The following FMR1NB variants were observed in gnomAD, a reference collection of about 807,000 sequenced individuals.
The protein encoded by FMR1NB is FMR1 neighbor protein.
A neutral mutation model predicts 16.8 loss-of-function variants in FMR1NB; 10 were observed. The ratio of observed to expected loss-of-function variants is 0.60; its 90% CI spans 0.37 to 1.01. The LOEUF (loss-of-function observed/expected upper bound fraction) is 1.01. Ranked by LOEUF, FMR1NB falls within the 50% of genes least tolerant of loss-of-function variation. The pLI is 0.01. For synonymous variants in FMR1NB, 83 were observed against 79.1 expected (o/e 1.05, Z -0.26); for missense variants, 205 against 204.8 (o/e 1.00, Z 0.00).
intron 1 of FMR1NB, among the ~76,000 whole-genome samples, chrX:147,982,615 C>T (rs1422140307): frequency 9.8e-5 from 9 of 91,393 alleles, no homozygotes; most frequent in South Asian, 5.1e-4. Context: ...AAAAAAAGGC[C>T]GGGCGCGGTG....
chrX:148,001,212 G>A, intron 1 of FMR1NB, among the ~76,000 whole-genome samples: 1 of 111,934 alleles, frequency 8.9e-6, no homozygotes, highest in South Asian at 3.7e-4. Flanking sequence ...AGACTTGAAT[G>A]AACAGAGAAA....
At chrX:148,025,682 A>G (rs1005858315) in intron 5 of FMR1NB, among the ~76,000 whole-genome samples, 2 of 112,164 alleles carry the variant, frequency 1.8e-5, no homozygotes, top group African/African-American at 6.5e-5. Flanking sequence ...GTCATTAACT[A>G]GTAGTGTTTC....
chrX:147,998,570 T>C (rs2044554754), intron 1 of FMR1NB, among the ~76,000 whole-genome samples: 1 of 112,355 alleles, frequency 8.9e-6, no homozygotes, highest in Admixed American at 9.4e-5. Context: ...AACCTGCACA[T>C]TCTGCACATG....
intron 1 of FMR1NB, among the ~76,000 whole-genome samples, chrX:147,983,616 A>G (rs955150477): frequency 8.9e-6 from 1 of 112,174 alleles, no homozygotes; most frequent in Non-Finnish European, 1.9e-5. Context: ...AATTCTTTAT[A>G]TATTCTGGAT....
chrX:148,023,902 A>T (rs1309112487), intron 4 of FMR1NB, among the ~76,000 whole-genome samples: 1 of 111,194 alleles, frequency 9.0e-6, no homozygotes, highest in African/African-American at 3.3e-5. Context: ...GTAGGTCTGG[A>T]TTTGAATCCT....
chrX:147,986,088 C>T (rs1366410537), intron 1 of FMR1NB, among the ~76,000 whole-genome samples: 1 of 112,310 alleles, frequency 8.9e-6, no homozygotes, highest in African/African-American at 3.2e-5. Flanking sequence ...AGCTTCTTTT[C>T]ATATGTTTGG....
intron 3 of FMR1NB, among the ~76,000 whole-genome samples, chrX:148,007,463 GT>G (rs781886395): frequency 1.8e-5 from 2 of 111,178 alleles, no homozygotes; most frequent in African/African-American, 6.5e-5. Context: ...CTAATTTTTA[GT>G]TTTTTTGTAG....
chrX:148,004,552 C>T lies in FMR1NB; in HGVS notation c.397+1232C>T, dbSNP rs1186585157. 2.7e-5 allele frequency among the ~76,000 whole-genome samples: 3 copies of T among 112,339 alleles called. No homozygotes were observed. The Admixed American group carries it at 2.8e-4, about 11-fold the overall frequency. On this transcript the variant is annotated intron_variant, in intron 2 of 5. Transcript: ENST00000370467. ...AGTGATTAAATATTTATCAAATGTA[C>T]ATACTGTCTTTGAAGACAATAACTA... is the stretch of plus-strand genomic sequence containing the variant.
chrX:148,010,709 T>A (rs1009149556), intron 4 of FMR1NB, among the ~76,000 whole-genome samples: 6 of 111,320 alleles, frequency 5.4e-5, no homozygotes, highest in Admixed American at 9.5e-5. Flanking sequence ...AAATCAGAGG[T>A]ACCAAAAGCT....
chrX:147,998,354 A>G (rs997196320), intron 1 of FMR1NB, among the ~76,000 whole-genome samples: 4 of 110,281 alleles, frequency 3.6e-5, no homozygotes, highest in Non-Finnish European at 7.5e-5. Flanking sequence ...TAACACAGGG[A>G]CAGAAAACTA....
intron 1 of FMR1NB, among the ~76,000 whole-genome samples, chrX:147,985,467 T>C (rs781837008): frequency 3.8e-4 from 42 of 110,927 alleles, no homozygotes; most frequent in Admixed American, 3.5e-3. Flanking sequence ...CTCCCTCCCC[T>C]TTCCCCCAAC....
chrX:147,995,085 A>T (rs2044535401), intron 1 of FMR1NB, among the ~76,000 whole-genome samples: 1 of 111,906 alleles, frequency 8.9e-6, no homozygotes, highest in African/African-American at 3.3e-5. Context: ...CCCATACAGG[A>T]AAGACTATTT....
intron 2 of FMR1NB, among the ~76,000 whole-genome samples, chrX:148,005,589 G>A (rs1286153989): frequency 4.5e-5 from 5 of 111,940 alleles, no homozygotes; most frequent in African/African-American, 1.6e-4. Flanking sequence ...CCAGTTGGTA[G>A]TGCATTAAAT....
chrX:147,999,216 A>G (rs1263651628), intron 1 of FMR1NB, among the ~76,000 whole-genome samples: 2 of 111,941 alleles, frequency 1.8e-5, no homozygotes, highest in Non-Finnish European at 3.8e-5. Flanking sequence ...CAGAGAGCAC[A>G]TAACTTGCTG....
chrX:148,023,764 C>T (rs2044690679), intron 4 of FMR1NB, among the ~76,000 whole-genome samples: 1 of 111,710 alleles, frequency 9.0e-6, no homozygotes, highest in Admixed American at 9.5e-5. Context: ...AATCAACAAA[C>T]ATTTCCATTT....
In FMR1NB at chrX:148,026,625, C is replaced by T. The variant is rs1235543253; in HGVS notation, c.*137C>T. ...TTCTTATTTTTGTCATGTTTACTTTCAAACATGAAATAAAATTGAGTTCTG... is the reference window on the plus strand; with the variant it reads ...TTCTTATTTTTGTCATGTTTACTTTTAAACATGAAATAAAATTGAGTTCTG... On this transcript the variant is annotated 3_prime_UTR_variant, in exon 6 of 6. Transcript: ENST00000370467. 4 of 111,673 alleles carry T rather than the reference C, an allele frequency of 3.6e-5. No homozygotes were observed. Among genetic ancestry groups the T allele is most frequent in the African/African-American group, 1.3e-4 (4 of 30,764 alleles). The allele number at this position is 111,673 out of a possible 1,213,427, so 9.2% of individuals were successfully genotyped here.
At position 147,981,657 on chromosome X, in the gene FMR1NB, C is replaced by T. The variant is rs1603066612; in HGVS notation, c.255C>T (p.Tyr85=). 1 of 1,188,982 alleles carries T rather than the reference C, an allele frequency of 8.4e-7. No homozygotes were observed. Among genetic ancestry groups the T allele is most frequent in the Admixed American group, 2.2e-5 (1 of 44,504 alleles). The change falls in exon 1 of 6, where the codon TAC becomes TAT. Residue 85 remains tyrosine, a synonymous_variant. Transcript: ENST00000370467. ...GGATCCTGCTGTTCGTGTGCTACTA[C>T]CTGTCCTACTACCTGTGCTCCGGTG... is the stretch of plus-strand genomic sequence containing the variant. The part of the protein sequence containing the change: ...SIWILLFVCY[Y]LSYYLCSGSS...
chrX:147,987,343 A>G (rs1393046886), intron 1 of FMR1NB, among the ~76,000 whole-genome samples: 1 of 112,127 alleles, frequency 8.9e-6, no homozygotes, highest in Non-Finnish European at 1.9e-5. Context: ...TGCTTTGGCC[A>G]GAACTTCCAA....
At chrX:147,990,178 T>C (rs782642483) in intron 1 of FMR1NB, among the ~76,000 whole-genome samples, 2 of 111,320 alleles carry the variant, frequency 1.8e-5, no homozygotes, top group Non-Finnish European at 3.8e-5. Context: ...GCAAAAACCA[T>C]AGAAAAAGCA....
Sources: gnomAD v4.1 joint callset for allele counts (sites outside exome capture counted in the v4.1 genomes callset) on GRCh38, gnomAD v4.1.1 for gene constraint, MANE v1.5 for transcripts, NCBI Gene and HGNC (gene_info 2026-07-23, HGNC 2026-07-21) for gene names.